YTHDF3: variants seen among roughly 807,000 people sequenced by gnomAD.
YTHDF3 encodes YTH N6-methyladenosine RNA binding protein F3.
YTHDF3 carries 9 observed loss-of-function variants against 52.5 expected under a neutral mutation model. The observed-to-expected ratio is 0.17, with a 90% confidence interval of 0.10 to 0.30. The LOEUF (loss-of-function observed/expected upper bound fraction) is 0.30, where lower values mean the gene tolerates loss of function less well. Ranked by LOEUF, YTHDF3 falls within the 10% of genes least tolerant of loss-of-function variation. The pLI is 1.00. For missense variants in YTHDF3, 534 were observed against 715.0 expected, an observed-to-expected ratio of 0.75 and a Z score of 2.89; for synonymous variants, 274 against 243.3, an observed-to-expected ratio of 1.13 and a Z score of -1.18.
At chr8:63,178,445 T>TTA (rs1218249216) in intron 3 of YTHDF3, among the ~76,000 whole-genome samples, 11 of 152,272 alleles carry the variant, frequency 7.2e-5, no homozygotes, top group Non-Finnish European at 1.2e-4. Context: ...GGCATTTACC[T>TTA]TAGTGAACCC....
At chr8:63,197,483 T>C (rs919493577) in intron 4 of YTHDF3, among the ~76,000 whole-genome samples, 9 of 152,216 alleles carry the variant, frequency 5.9e-5, no homozygotes, top group African/African-American at 7.2e-5. Flanking sequence ...AAATCACTTA[T>C]TGTCTAATCT....
intron 4 of YTHDF3, among the ~76,000 whole-genome samples, chr8:63,195,609 A>G (rs1809179747): frequency 6.6e-6 from 1 of 152,164 alleles, no homozygotes; most frequent in Non-Finnish European, 1.5e-5. Flanking sequence ...AATACAGGAA[A>G]CAATAATCAA....
chr8:63,180,976 G>A (rs1055511251), intron 3 of YTHDF3, among the ~76,000 whole-genome samples: 3 of 152,188 alleles, frequency 2.0e-5, no homozygotes, highest in African/African-American at 7.2e-5. Flanking sequence ...AAGAGGGAGA[G>A]GGAGAGGGTC....
intron 3 of YTHDF3, chr8:63,175,723 T>C (rs1223348729): frequency 5.1e-6 from 1 of 196,066 alleles, no homozygotes; most frequent in East Asian, 1.1e-4. Context: ...TCTTTTAATG[T>C]CACTGCTATA....
chr8:63,178,182 C>T (rs571913481), intron 3 of YTHDF3, among the ~76,000 whole-genome samples: 29 of 152,130 alleles, frequency 1.9e-4, no homozygotes, highest in Non-Finnish European at 3.5e-4. Context: ...TTATTTGTCA[C>T]AAGGACATAG....
At chr8:63,208,857 T>TG (rs1810202519) in intron 4 of YTHDF3, among the ~76,000 whole-genome samples, 2 of 151,826 alleles carry the variant, frequency 1.3e-5, no homozygotes, top group African/African-American at 4.9e-5. Flanking sequence ...CACTCATCTT[T>TG]TTTGTTGTTG....
intron 4 of YTHDF3, among the ~76,000 whole-genome samples, chr8:63,199,338 C>T (rs555134205): frequency 1.1e-4 from 17 of 152,284 alleles, no homozygotes; most frequent in Admixed American, 5.2e-4. Context: ...TCTGCACATA[C>T]TCAAGTTCTG....
chr8:63,169,789 A>T, intron 2 of YTHDF3, among the ~76,000 whole-genome samples: 1 of 152,220 alleles, frequency 6.6e-6, no homozygotes, highest in Non-Finnish European at 1.5e-5. Flanking sequence ...TGTCTGGATT[A>T]CACTGGAAAA....
At chr8:63,171,556 T>C (rs1807326929) in intron 2 of YTHDF3, among the ~76,000 whole-genome samples, 1 of 152,180 alleles carries the variant, frequency 6.6e-6, no homozygotes. Context: ...TTACTTGTAT[T>C]TTTATGACTG....
At position 63,211,195 on chromosome 8, in the gene YTHDF3, T is replaced by G. The variant is rs1244907990; in HGVS notation, c.*1489T>G. On this transcript the variant is annotated 3_prime_UTR_variant, in exon 5 of 5. Coordinates refer to ENST00000539294, the MANE Select transcript of YTHDF3 (RefSeq NM_152758.6). ...TATATAATTTTATTTTGTACAATGT[T>G]TTTTTTAAATGTGCAAATACTGTAT... The G allele has an allele frequency of 6.6e-6, 1 of 152,510 alleles. No homozygotes were observed. Among genetic ancestry groups the G allele is most frequent in the African/African-American group, 2.4e-5 (1 of 41,414 alleles). 9.4% of individuals were successfully genotyped at this position (152,510 alleles called of 1,614,324 possible).
At chr8:63,198,271 TTC>T (rs1285487700) in intron 4 of YTHDF3, among the ~76,000 whole-genome samples, 1 of 152,078 alleles carries the variant, frequency 6.6e-6, no homozygotes, top group Non-Finnish European at 1.5e-5. Context: ...CCACCTTCCC[TTC>T]TCTTTCTTTT....
In YTHDF3 at chr8:63,187,669, T is replaced by A. The variant is rs1156822759; in HGVS notation, c.1658T>A (p.Phe553Tyr). 3 of 1,611,406 alleles carry A rather than the reference T, an allele frequency of 1.9e-6. No individual in the cohort carries two copies. The Admixed American group carries it at 5.0e-5, about 27-fold the overall frequency. ...CAAGTGCTTAAAATAATTGCTACTT[T>A]CAAGCATACCACCTCAATCTTTGAT... ...AKQVLKIIAT[F>Y]KHTTSIFDDF... The change falls in exon 4 of 5, where the codon TTC (phenylalanine) becomes TAC (tyrosine). Residue 553 changes from phenylalanine to tyrosine, a missense_variant. By Grantham distance (22) the Phe-to-Tyr change is conservative. This residue lies in a region of YTHDF3 where 135 missense variants were observed against 214.2 expected (regional missense o/e 0.63). Coordinates refer to ENST00000539294, the MANE Select transcript of YTHDF3 (RefSeq NM_152758.6).
chr8:63,187,584 G>A lies in YTHDF3; in HGVS notation c.1573G>A (p.Asp525Asn), dbSNP rs1808607768. 1 of 1,613,404 alleles carries A rather than the reference G, an allele frequency of 6.2e-7. No homozygotes were observed. Among genetic ancestry groups the A allele is most frequent in the Non-Finnish European group, 8.5e-7 (1 of 1,179,662 alleles). ...QLRHIRLENN[D>N]NKPVTNSRDT... Reference sequence around the variant, plus strand: ...ACGGCATATTCGCTTAGAAAATAATGACAACAAACCGGTTACCAATTCAAG... The same window carrying A: ...ACGGCATATTCGCTTAGAAAATAATAACAACAAACCGGTTACCAATTCAAG... Residue 525 changes from aspartate (D) to asparagine (N), a missense_variant, in exon 4 of 5, where the codon GAC becomes AAC. By Grantham distance (23) the Asp-to-Asn change is conservative. This residue lies in a region of YTHDF3 where 135 missense variants were observed against 214.2 expected (regional missense o/e 0.63). Coordinates refer to ENST00000539294, the MANE Select transcript of YTHDF3 (RefSeq NM_152758.6).
chr8:63,172,607 C>T, intron 2 of YTHDF3: 1 of 404,830 alleles, frequency 2.5e-6, no homozygotes, highest in Non-Finnish European at 4.3e-6. Context: ...TCACAACATC[C>T]TTGTAAGGAG....
At position 63,187,379 on chromosome 8, in the gene YTHDF3, T is replaced by C. The variant is rs2150374517; in HGVS notation, c.1368T>C (p.Asn456=). ...TGGATGCAGCTTACCGTTCCCTGAATGGGAAAGGCCCACTCTATTTACTCT... is the reference window on the plus strand; with the variant it reads ...TGGATGCAGCTTACCGTTCCCTGAACGGGAAAGGCCCACTCTATTTACTCT... The part of the protein sequence containing the change: ...KRLDAAYRSL[N]GKGPLYLLFS... Residue 456 remains asparagine, a synonymous_variant, in exon 4 of 5, where the codon AAT becomes AAC. Transcript: ENST00000539294. 1.9e-6 allele frequency: 3 copies of C among 1,614,008 alleles called. No individual in the cohort carries two copies. The highest frequency in any genetic ancestry group is 1.7e-6 in the Non-Finnish European group (2 of 1,179,902).
intron 4 of YTHDF3, among the ~76,000 whole-genome samples, chr8:63,204,361 GTT>G (rs1205321648): frequency 5.6e-5 from 7 of 124,840 alleles, no homozygotes; most frequent in Admixed American, 1.6e-4. Context: ...TGTGTTTGTT[GTT>G]TTTTTTTTTT....
rs1189997343 is a variant in YTHDF3, at chr8:63,211,772, G to A, written c.*2066G>A. The A allele has an allele frequency of 6.6e-6, 1 of 152,602 alleles. No individual in the cohort carries two copies. The highest frequency in any genetic ancestry group is 2.4e-5 in the African/African-American group (1 of 41,440). 9.5% of individuals were successfully genotyped at this position (152,602 alleles called of 1,614,324 possible). Reference sequence around the variant, plus strand: ...CTCAGACATGCGAATAAATGTAATTGAGAGTCTATTCATGGTGAGGAGTAC... The same window carrying A: ...CTCAGACATGCGAATAAATGTAATTAAGAGTCTATTCATGGTGAGGAGTAC... On this transcript the variant is annotated 3_prime_UTR_variant, in exon 5 of 5. Transcript: ENST00000539294.
Position 63,168,813 on chromosome 8 carries a change from CTG to C in YTHDF3, c.-62_-61del. Reference sequence around the variant, plus strand: ...CTCGGCCAAGGGCGACAGCCAACTGCTGTGAGTGCACGGGGAGAGGCCCAGGC... The same window carrying C: ...CTCGGCCAAGGGCGACAGCCAACTGCTGAGTGCACGGGGAGAGGCCCAGGC... On this transcript the variant is annotated 5_prime_UTR_variant, in exon 1 of 5. Coordinates refer to ENST00000539294, the MANE Select transcript of YTHDF3 (RefSeq NM_152758.6). The C allele has an allele frequency of 7.1e-6, 11 of 1,550,202 alleles. No homozygotes were observed. The highest frequency in any genetic ancestry group is 9.6e-6 in the Non-Finnish European group (11 of 1,146,970).
chr8:63,177,199 T>C (rs907188584), intron 3 of YTHDF3, among the ~76,000 whole-genome samples: 128 of 152,192 alleles, frequency 8.4e-4, no homozygotes, highest in Non-Finnish European at 2.1e-4. Context: ...AGTAGAGTTA[T>C]AGGGAAAATT....
Sources: gnomAD v4.1 joint callset for allele counts (sites outside exome capture counted in the v4.1 genomes callset) on GRCh38, gnomAD v4.1.1 for gene constraint, gnomAD v4.1.1 regional missense constraint, MANE v1.5 for transcripts, NCBI Gene and HGNC (gene_info 2026-07-23, HGNC 2026-07-21) for gene names.